CTNNA2: variants seen among roughly 807,000 people sequenced by gnomAD.
CTNNA2 encodes catenin alpha-2.
A neutral mutation model predicts 101.0 loss-of-function variants in CTNNA2; 42 were observed. The observed-to-expected ratio is 0.42, with a 90% CI of 0.32 to 0.54. CTNNA2 has a LOEUF of 0.54. Among genes scored for constraint, CTNNA2 ranks in the 20% least tolerant of loss-of-function variants. The pLI is 0.14. For missense variants in CTNNA2, 871 were observed against 1,223.1 expected (o/e 0.71, Z 4.29); for synonymous variants, 450 against 456.4 (o/e 0.99, Z 0.18).
intron 7 of CTNNA2, among the ~76,000 whole-genome samples, chr2:79,939,411 A>C (rs1409136712): frequency 6.6e-6 from 1 of 152,212 alleles, no homozygotes; most frequent in Non-Finnish European, 1.5e-5. Flanking sequence ...GTTATTTTAC[A>C]ATGTTTATAA....
At chr2:80,613,048 A>G (rs931463858) in intron 17 of CTNNA2, 15 of 138,928 alleles carry the variant, frequency 1.1e-4, no homozygotes, top group Non-Finnish European at 3.1e-5. Context: ...GATGTTAGGC[A>G]TAGTGGAGAA....
At chr2:79,777,504 A>G (rs565007535) in intron 3 of CTNNA2, among the ~76,000 whole-genome samples, 1 of 152,256 alleles carries the variant, frequency 6.6e-6, no homozygotes, top group East Asian at 1.9e-4. Flanking sequence ...CCACAGGTTG[A>G]TAATTACTAG....
intron 6 of CTNNA2, among the ~76,000 whole-genome samples, chr2:79,895,196 A>AT (rs1684615970): frequency 6.6e-6 from 1 of 152,206 alleles, no homozygotes; most frequent in Admixed American, 6.5e-5. Context: ...CAAAAAGCGT[A>AT]TTTTCAGGCC....
intron 9 of CTNNA2, among the ~76,000 whole-genome samples, chr2:80,449,267 C>G (rs903896089): frequency 6.6e-6 from 1 of 151,608 alleles, no homozygotes; most frequent in Non-Finnish European, 1.5e-5. Context: ...GATGACAGAG[C>G]AAGACCCTGG....
chr2:80,033,500 A>G (rs944238287), intron 7 of CTNNA2, among the ~76,000 whole-genome samples: 1 of 152,140 alleles, frequency 6.6e-6, no homozygotes, highest in Non-Finnish European at 1.5e-5. Flanking sequence ...AATGAAGCCC[A>G]GGAGGTTGAG....
At chr2:79,511,355 C>G (rs772161241), upstream of CTNNA2, among the ~76,000 whole-genome samples, 1 of 152,196 alleles carries the variant, frequency 6.6e-6, no homozygotes, top group South Asian at 2.1e-4. Flanking sequence ...TTCCTACCTA[C>G]TCCAGTCCAT....
intron 14 of CTNNA2, chr2:80,586,356 A>G (rs1232226662): frequency 6.6e-6 from 1 of 152,182 alleles, no homozygotes; most frequent in Non-Finnish European, 1.5e-5. Flanking sequence ...ATTGCTTTTC[A>G]TCTGGGGATT....
intron 7 of CTNNA2, among the ~76,000 whole-genome samples, chr2:80,072,472 A>G (rs1416047131): frequency 6.6e-6 from 1 of 151,972 alleles, no homozygotes; most frequent in African/African-American, 2.4e-5. Context: ...TTTATTTTCT[A>G]TTTGTTTAAT....
At chr2:79,637,179 G>GAT (rs1680130730) in intron 1 of CTNNA2, among the ~76,000 whole-genome samples, 1 of 152,076 alleles carries the variant, frequency 6.6e-6, no homozygotes, top group South Asian at 2.1e-4. Flanking sequence ...GATGGTGAAG[G>GAT]ATATATATAT....
chr2:79,680,131 A>G (rs528415205), intron 2 of CTNNA2, among the ~76,000 whole-genome samples: 4 of 149,682 alleles, frequency 2.7e-5, no homozygotes, highest in African/African-American at 9.8e-5. Context: ...CTCGGTGGCC[A>G]CTTTTACCAT....
At chr2:80,252,940 A>G (rs564928627) in intron 7 of CTNNA2, among the ~76,000 whole-genome samples, 1 of 152,220 alleles carries the variant, frequency 6.6e-6, no homozygotes, top group Non-Finnish European at 1.5e-5. Context: ...GGGGATGGTG[A>G]TATTGGTAAC....
chr2:80,142,361 C>G (rs1166165549), intron 7 of CTNNA2, among the ~76,000 whole-genome samples: 2 of 152,146 alleles, frequency 1.3e-5, no homozygotes, highest in Non-Finnish European at 2.9e-5. Flanking sequence ...ACTGCAGTCC[C>G]TATGTCAGTG....
In CTNNA2 at chr2:79,304,164, T is replaced by C. The variant is rs949330080; in HGVS notation, c.-405-8545T>C. On this transcript the variant is annotated intron_variant, in intron 2 of 21. Coordinates refer to the CTNNA2 transcript ENST00000466387. ...AGGCACATATCTAAATCGATCACACTGAGGAACTGGGAGCAGGTAGAAAAC... is the reference window on the plus strand; with the variant it reads ...AGGCACATATCTAAATCGATCACACCGAGGAACTGGGAGCAGGTAGAAAAC... Among the ~76,000 whole-genome samples the C allele has an allele frequency of 5.9e-5, 9 of 152,040 alleles. No homozygotes were observed. The South Asian group carries it at 1.9e-3, about 32-fold the overall frequency.
At chr2:80,274,931 G>T (rs182604888) in intron 7 of CTNNA2, among the ~76,000 whole-genome samples, 22 of 152,178 alleles carry the variant, frequency 1.4e-4, no homozygotes, top group Admixed American at 7.2e-4. Context: ...ATGATTTGTT[G>T]ACTTATCTGT....
intron 9 of CTNNA2, among the ~76,000 whole-genome samples, chr2:80,525,620 G>A (rs1689969708): frequency 6.6e-6 from 1 of 152,084 alleles, no homozygotes; most frequent in South Asian, 2.1e-4. Flanking sequence ...TCAAATGTTT[G>A]CTTTTGTTTT....
intron 2 of CTNNA2, among the ~76,000 whole-genome samples, chr2:79,280,685 A>AAGAGAGAGAGAGAGAGAGAG (rs1303364237): frequency 6.8e-5 from 6 of 88,446 alleles, no homozygotes; most frequent in Non-Finnish European, 1.4e-4. Flanking sequence ...GAGAGAGAGA[A>AAGAGAGAGAGAGAGAGAGAG]AGAGAGAGAG....
intron 12 of CTNNA2, among the ~76,000 whole-genome samples, chr2:80,567,879 C>CT (rs1016627138): frequency 9.9e-5 from 15 of 152,014 alleles, no homozygotes; most frequent in South Asian, 4.2e-4. Context: ...TTTCAATGCT[C>CT]TTTTTTTTAT....
chr2:79,760,192 T>C (rs1672690130), intron 3 of CTNNA2, among the ~76,000 whole-genome samples: 1 of 152,136 alleles, frequency 6.6e-6, no homozygotes, highest in Non-Finnish European at 1.5e-5. Context: ...GACTGATAGA[T>C]AGAAAGCATT....
intron 3 of CTNNA2, among the ~76,000 whole-genome samples, chr2:79,835,869 G>A (rs1679327473): frequency 6.6e-6 from 1 of 151,688 alleles, no homozygotes; most frequent in African/African-American, 2.4e-5. Flanking sequence ...TTGACCTCGT[G>A]ATCCACCTGC....
Sources: allele counts gnomAD v4.1 joint callset (sites outside exome capture counted in the v4.1 genomes callset), GRCh38; gene constraint gnomAD v4.1.1; transcripts MANE v1.5; gene names NCBI Gene and HGNC (gene_info 2026-07-23, HGNC 2026-07-21).